VAMP7: variants seen among roughly 807,000 people sequenced by gnomAD.
VAMP7 encodes vesicle-associated membrane protein 7.
In VAMP7, 14 loss-of-function variants were observed where a neutral mutation model predicts 29.6. The ratio of observed to expected loss-of-function variants is 0.47; its 90% CI spans 0.31 to 0.74. VAMP7 has a LOEUF of 0.74. Among genes scored for constraint, VAMP7 ranks in the 30% least tolerant of loss-of-function variants. The pLI, the probability that VAMP7 is intolerant of heterozygous loss-of-function variation, is 0.05. For missense variants in VAMP7, 223 were observed against 262.4 expected, an observed-to-expected ratio of 0.85 and a Z score of 1.04; for synonymous variants, 95 against 88.1, an observed-to-expected ratio of 1.08 and a Z score of -0.44.
intron 6 of VAMP7, among the ~76,000 whole-genome samples, chrX:155,925,599 T>G (rs925976166): frequency 1.3e-5 from 2 of 152,180 alleles, no homozygotes; most frequent in Admixed American, 6.5e-5. Context: ...ATATGCAAGA[T>G]GAACATTGGT....
At chrX:155,900,451 G>T in intron 4 of VAMP7, 46 bp from the exon 5 acceptor site, 1 of 1,455,572 alleles carries the variant, frequency 6.9e-7, no homozygotes, top group Non-Finnish European at 9.4e-7. Context: ...TTTTCCTATT[G>T]TAAATAATGT....
At chrX:155,893,069 T>G (rs920824927) in intron 2 of VAMP7, among the ~76,000 whole-genome samples, 2 of 152,144 alleles carry the variant, frequency 1.3e-5, no homozygotes, top group African/African-American at 4.8e-5. Flanking sequence ...TGTATTATAA[T>G]TGAAATGATT....
In VAMP7 at chrX:155,898,094, G is replaced by A; in HGVS notation, c.205-18G>A. 6.2e-7 allele frequency: 1 copy of A among 1,611,594 alleles called. No individual in the cohort carries two copies. ...TGTTTACTTTCTAAATGTGAGTTCTGTGTTGATCTCTTTTCAGGATTTTGA... is the reference window on the plus strand; with the variant it reads ...TGTTTACTTTCTAAATGTGAGTTCTATGTTGATCTCTTTTCAGGATTTTGA... On this transcript the variant is annotated intron_variant, in intron 3 of 7. Transcript: ENST00000286448.
At chrX:155,908,702 A>C (rs1466685674) in intron 5 of VAMP7, among the ~76,000 whole-genome samples, 3 of 152,034 alleles carry the variant, frequency 2.0e-5, no homozygotes, top group African/African-American at 7.2e-5. Flanking sequence ...AGATTTGTGA[A>C]AGTTTTGTAT....
chrX:155,914,657 A>T (rs934470197), intron 5 of VAMP7, among the ~76,000 whole-genome samples: 1 of 152,100 alleles, frequency 6.6e-6, no homozygotes, highest in African/African-American at 2.4e-5. Flanking sequence ...TCTGTGATGG[A>T]TTACGTTTAT....
At chrX:155,900,951 G>A (rs2066052894) in intron 5 of VAMP7, among the ~76,000 whole-genome samples, 1 of 152,052 alleles carries the variant, frequency 6.6e-6, no homozygotes, top group South Asian at 2.1e-4. Flanking sequence ...TTAGCACAGT[G>A]TTAGAGTGCT....
At chrX:155,903,731 A>T (rs2066103931) in intron 5 of VAMP7, among the ~76,000 whole-genome samples, 1 of 152,162 alleles carries the variant, frequency 6.6e-6, no homozygotes, top group South Asian at 2.1e-4. Flanking sequence ...GATGTGGAGA[A>T]ATAGGAACAC....
At chrX:155,925,657 A>G (rs1297529238) in intron 6 of VAMP7, among the ~76,000 whole-genome samples, 1 of 152,202 alleles carries the variant, frequency 6.6e-6, no homozygotes, top group African/African-American at 2.4e-5. Flanking sequence ...GGAAGGCTCG[A>G]AGTGGGGAGG....
At chrX:155,939,457 T>C (rs891302632) in intron 6 of VAMP7, among the ~76,000 whole-genome samples, 4 of 152,172 alleles carry the variant, frequency 2.6e-5, no homozygotes, top group Admixed American at 2.0e-4. Context: ...CTCAACATCA[T>C]GTGCATTGCT....
chrX:155,908,297 C>T (rs1265866907), intron 5 of VAMP7, among the ~76,000 whole-genome samples: 2 of 152,228 alleles, frequency 1.3e-5, no homozygotes. Flanking sequence ...GAGACTCCGT[C>T]TGCAATCCCG....
At chrX:155,899,197 T>C (rs2066026613) in intron 4 of VAMP7, among the ~76,000 whole-genome samples, 1 of 151,756 alleles carries the variant, frequency 6.6e-6, no homozygotes, top group South Asian at 2.1e-4. Context: ...TGATGTGTAA[T>C]TGAAAAAAAA....
At chrX:155,912,016 G>C (rs141250740) in intron 5 of VAMP7, among the ~76,000 whole-genome samples, 6,435 of 152,116 alleles carry the variant, frequency 0.042, 234 homozygotes, top group Non-Finnish European at 0.062. Flanking sequence ...TAGTGAAACT[G>C]GGCTTCCTTC....
At chrX:155,918,496 T>A (rs2066345549) in intron 5 of VAMP7, among the ~76,000 whole-genome samples, 1 of 152,134 alleles carries the variant, frequency 6.6e-6, no homozygotes, top group Non-Finnish European at 1.5e-5. Flanking sequence ...AAAAGCATAG[T>A]ATCTGGGCCA....
At chrX:155,924,289 TG>T (rs2066438381) in intron 6 of VAMP7, among the ~76,000 whole-genome samples, 1 of 152,176 alleles carries the variant, frequency 6.6e-6, no homozygotes, top group African/African-American at 2.4e-5. Context: ...TGGTAAAATA[TG>T]TATAGCATAA....
chrX:155,892,996 G>A (rs1429913848), intron 2 of VAMP7, among the ~76,000 whole-genome samples: 30 of 151,740 alleles, frequency 2.0e-4, no homozygotes, highest in Admixed American at 6.6e-4. Flanking sequence ...CAGGCAATCC[G>A]CCCGCCTCGG....
chrX:155,935,955 C>T (rs1433357467), intron 6 of VAMP7, among the ~76,000 whole-genome samples: 6 of 152,048 alleles, frequency 3.9e-5, no homozygotes, highest in African/African-American at 9.7e-5. Context: ...TGGAGTTTGT[C>T]GGAGGGCCAC....
Position 155,934,575 on chromosome X carries a change from A to G in VAMP7, c.502-5126A>G, listed in dbSNP as rs1021258725. Among the ~76,000 whole-genome samples, 91 of 151,794 alleles carry G rather than the reference A, an allele frequency of 6.0e-4. 2 individuals carry two copies. Among genetic ancestry groups the G allele is most frequent in the Non-Finnish European group, 1.2e-4 (8 of 67,950 alleles). ...TTGGTAGATCTTCCTGCATCCCTTT[A>G]TTTTGAGCCTATGTGTGTCTCTGCA... On this transcript the variant is annotated intron_variant, in intron 6 of 7. Coordinates refer to ENST00000286448, the MANE Select transcript of VAMP7 (RefSeq NM_005638.6).
intron 5 of VAMP7, among the ~76,000 whole-genome samples, chrX:155,910,646 A>G (rs1443308008): frequency 2.7e-5 from 4 of 149,450 alleles, no homozygotes; most frequent in Non-Finnish European, 5.9e-5. Flanking sequence ...TTTAGTAACC[A>G]TTCTAACTGG....
chrX:155,907,901 C>A (rs192792022), intron 5 of VAMP7, among the ~76,000 whole-genome samples: 96 of 151,644 alleles, frequency 6.3e-4, no homozygotes, highest in Non-Finnish European at 1.2e-3. Flanking sequence ...CGGGCAGCGA[C>A]GCTCCTCACC....
Sources: allele counts gnomAD v4.1 joint callset (sites outside exome capture counted in the v4.1 genomes callset), GRCh38; gene constraint gnomAD v4.1.1; transcripts MANE v1.5; gene names NCBI Gene and HGNC (gene_info 2026-07-23, HGNC 2026-07-21).